The following NEK11 variants were observed in gnomAD, a reference collection of about 807,000 sequenced individuals.
The protein encoded by NEK11 is serine/threonine-protein kinase Nek11.
Under a neutral mutation model 80.7 loss-of-function variants are expected in NEK11, and 72 were observed. The ratio of observed to expected loss-of-function variants is 0.89; its 90% CI spans 0.74 to 1.08. The LOEUF is 1.08. Among genes scored for constraint, NEK11 ranks in the 50% least tolerant of loss-of-function variants. The pLI, the probability that NEK11 is intolerant of heterozygous loss-of-function variation, is 0.00. For synonymous variants in NEK11, 251 were observed against 260.7 expected, an observed-to-expected ratio of 0.96 and a Z score of 0.36; for missense variants, 764 against 763.6, an observed-to-expected ratio of 1.00 and a Z score of -0.01.
intron 7 of NEK11, among the ~76,000 whole-genome samples, chr3:131,148,650 T>G (rs1320551216): frequency 1.3e-5 from 2 of 151,970 alleles, no homozygotes; most frequent in South Asian, 4.1e-4. Context: ...ACTTTTGAGA[T>G]AGAGGGTCAG....
At chr3:131,215,378 A>T (rs2094797304) in intron 14 of NEK11, among the ~76,000 whole-genome samples, 2 of 152,070 alleles carry the variant, frequency 1.3e-5, no homozygotes, top group African/African-American at 2.4e-5. Context: ...CATATGTAAC[A>T]GACCTGCACG....
chr3:131,044,731 G>T (rs1334248700), intron 3 of NEK11, among the ~76,000 whole-genome samples: 1 of 151,874 alleles, frequency 6.6e-6, no homozygotes, highest in Non-Finnish European at 1.5e-5. Flanking sequence ...AAAATTAACA[G>T]GGATATTCAG....
intron 17 of NEK11, among the ~76,000 whole-genome samples, chr3:131,333,650 C>G (rs936519928): frequency 1.3e-4 from 20 of 152,052 alleles, no homozygotes; most frequent in African/African-American, 4.8e-4. Flanking sequence ...ACTAAATGCT[C>G]CAATTAAAAG....
chr3:131,040,217 G>A (rs752821697), intron 3 of NEK11, among the ~76,000 whole-genome samples: 9 of 151,826 alleles, frequency 5.9e-5, no homozygotes, highest in Non-Finnish European at 1.2e-4. Flanking sequence ...TGCTACTCAC[G>A]AATGAATAAT....
chr3:131,307,924 G>C (rs553701314), intron 17 of NEK11, among the ~76,000 whole-genome samples: 2 of 152,160 alleles, frequency 1.3e-5, no homozygotes, highest in Non-Finnish European at 2.9e-5. Context: ...CAAGTACCTA[G>C]AGAATTTATA....
chr3:131,164,298 A>G (rs2091975770), intron 11 of NEK11, among the ~76,000 whole-genome samples: 1 of 152,234 alleles, frequency 6.6e-6, no homozygotes, highest in Non-Finnish European at 1.5e-5. Context: ...AGCTAACAAT[A>G]TGATACCATT....
At chr3:131,220,178 G>A (rs2094971014) in intron 14 of NEK11, among the ~76,000 whole-genome samples, 1 of 152,128 alleles carries the variant, frequency 6.6e-6, no homozygotes, top group Non-Finnish European at 1.5e-5. Flanking sequence ...TGGAGCTTCT[G>A]GGGGAAATTG....
At chr3:131,228,831 C>T in intron 15 of NEK11, 143 bp downstream of exon 15, 1 of 777,626 alleles carries the variant, frequency 1.3e-6, no homozygotes, top group Admixed American at 3.2e-5. Flanking sequence ...GTAAGTCTGG[C>T]TTTTCAAGGT....
intron 14 of NEK11, among the ~76,000 whole-genome samples, chr3:131,226,282 C>G (rs1471125430): frequency 6.6e-6 from 1 of 152,158 alleles, no homozygotes; most frequent in Admixed American, 6.5e-5. Flanking sequence ...ATACACTTCT[C>G]ATGCTGTGAT....
chr3:131,348,549 T>C (rs978023361), intron 17 of NEK11, among the ~76,000 whole-genome samples: 3 of 151,624 alleles, frequency 2.0e-5, no homozygotes, highest in Non-Finnish European at 4.4e-5. Context: ...CATTTAAAAA[T>C]AATAAAGGAA....
At chr3:131,126,044 A>G (rs1315177843) in intron 5 of NEK11, among the ~76,000 whole-genome samples, 1 of 152,214 alleles carries the variant, frequency 6.6e-6, no homozygotes, top group Non-Finnish European at 1.5e-5. Context: ...AGGCTCAAGA[A>G]TACTGCTCCC....
intron 4 of NEK11, 142 bp downstream of exon 4, chr3:131,080,730 G>T: frequency 1.0e-5 from 7 of 696,312 alleles, no homozygotes; most frequent in Non-Finnish European, 1.6e-5. Flanking sequence ...TTGCAGCTAA[G>T]AATGATTATC....
In NEK11 at chr3:131,132,356, A is replaced by G. The variant is rs193030514; in HGVS notation, c.456-389A>G. Reference sequence around the variant, plus strand: ...ATTCTTAAATATCATCAACAACGTTATTATTTTCACAAGTATATAAAACTT... The same window carrying G: ...ATTCTTAAATATCATCAACAACGTTGTTATTTTCACAAGTATATAAAACTT... On this transcript the variant is annotated intron_variant, in intron 5 of 17. Coordinates refer to ENST00000383366, the MANE Select transcript of NEK11 (RefSeq NM_024800.5). Among the ~76,000 whole-genome samples the G allele has an allele frequency of 9.9e-4, 150 of 152,132 alleles. 1 individual carries two copies. Among genetic ancestry groups the G allele is most frequent in the Non-Finnish European group, 1.9e-3 (129 of 67,888 alleles).
intron 3 of NEK11, among the ~76,000 whole-genome samples, chr3:131,032,400 C>T (rs540598188): frequency 7.2e-5 from 11 of 152,362 alleles, no homozygotes; most frequent in African/African-American, 2.4e-4. Context: ...AGCAGCTACT[C>T]CCTTAGACAA....
At chr3:131,119,663 G>A (rs2082016324) in intron 5 of NEK11, among the ~76,000 whole-genome samples, 1 of 152,138 alleles carries the variant, frequency 6.6e-6, no homozygotes, top group South Asian at 2.1e-4. Flanking sequence ...CCTGTATTGG[G>A]TGTATATATA....
chr3:131,319,754 A>G (rs539579393), intron 17 of NEK11, among the ~76,000 whole-genome samples: 1 of 152,288 alleles, frequency 6.6e-6, no homozygotes, highest in East Asian at 1.9e-4. Context: ...TCAAGGACAC[A>G]TACATTCATC....
chr3:131,319,942 T>G, intron 17 of NEK11, among the ~76,000 whole-genome samples: 1 of 152,048 alleles, frequency 6.6e-6, no homozygotes, highest in Non-Finnish European at 1.5e-5. Flanking sequence ...CAATATTTCT[T>G]GTCAAGAAAT....
chr3:131,091,663 C>T (rs2076749258), intron 4 of NEK11, among the ~76,000 whole-genome samples: 1 of 152,216 alleles, frequency 6.6e-6, no homozygotes, highest in Non-Finnish European at 1.5e-5. Context: ...TGAAAAGCAG[C>T]ATTGCAGTTT....
chr3:131,054,896 G>C (rs1290348788), intron 3 of NEK11, among the ~76,000 whole-genome samples: 3 of 152,202 alleles, frequency 2.0e-5, no homozygotes, highest in Non-Finnish European at 4.4e-5. Flanking sequence ...ACCAAGGCTT[G>C]AAATTACCCT....
Sources: gnomAD v4.1 joint callset for allele counts (sites outside exome capture counted in the v4.1 genomes callset) on GRCh38, gnomAD v4.1.1 for gene constraint, MANE v1.5 for transcripts, NCBI Gene and HGNC (gene_info 2026-07-23, HGNC 2026-07-21) for gene names.